The following CDC27 variants were observed in gnomAD, a reference collection of about 807,000 sequenced individuals.
The protein encoded by CDC27 is cell division cycle protein 27 homolog.
In CDC27, 27 loss-of-function variants were observed where a neutral mutation model predicts 109.7. That is an observed-to-expected ratio of 0.25 (90% confidence interval 0.18 to 0.34). CDC27 has a LOEUF of 0.34. CDC27 is among the 10% of genes least tolerant of loss of function. The pLI is 1.00. For synonymous variants in CDC27, 266 were observed against 333.9 expected (o/e 0.80, Z 2.22); for missense variants, 579 against 960.2 (o/e 0.60, Z 5.25).
At chr17:47,149,289 G>T (rs1881631901) in intron 9 of CDC27, among the ~76,000 whole-genome samples, 2 of 151,704 alleles carry the variant, frequency 1.3e-5, no homozygotes, top group Non-Finnish European at 2.9e-5. Flanking sequence ...AAGGCAGGAG[G>T]ATCACAAGGT....
chr17:47,188,102 T>A (rs768906900), intron 1 of CDC27, among the ~76,000 whole-genome samples: 2 of 152,210 alleles, frequency 1.3e-5, no homozygotes, highest in Non-Finnish European at 1.5e-5. Context: ...TATTTACTGT[T>A]TGATACCTCA....
intron 13 of CDC27, among the ~76,000 whole-genome samples, chr17:47,137,735 T>G (rs2062661596): frequency 6.6e-6 from 1 of 152,058 alleles, no homozygotes; most frequent in African/African-American, 2.4e-5. Flanking sequence ...TGGACAGAAT[T>G]TGAATCCCAC....
At chr17:47,150,478 T>C (rs2063120269) in intron 9 of CDC27, among the ~76,000 whole-genome samples, 1 of 152,170 alleles carries the variant, frequency 6.6e-6, no homozygotes, top group African/African-American at 2.4e-5. Flanking sequence ...TACTGAGTTA[T>C]ACTGTCACAT....
chr17:47,139,307 C>CTGCACT (rs1212138699), intron 12 of CDC27, among the ~76,000 whole-genome samples: 1 of 149,634 alleles, frequency 6.7e-6, no homozygotes, highest in Non-Finnish European at 1.5e-5. Context: ...CACTCTGTCG[C>CTGCACT]CCAGGCTGGA....
chr17:47,147,603 T>A (rs958093632), intron 9 of CDC27, among the ~76,000 whole-genome samples: 2 of 152,040 alleles, frequency 1.3e-5, no homozygotes, highest in African/African-American at 4.8e-5. Flanking sequence ...CTGGATGAGG[T>A]GGCTCATGCC....
chr17:47,123,384 CTTCTACTTTTTT>C (rs1317090181), intron 17 of CDC27, among the ~76,000 whole-genome samples: 3 of 147,106 alleles, frequency 2.0e-5, no homozygotes, highest in African/African-American at 7.5e-5. Context: ...CATTCATGTT[CTTCTACTTTTTT>C]TTCTACTTTT....
At chr17:47,145,095 G>C (rs964238193) in intron 9 of CDC27, among the ~76,000 whole-genome samples, 9 of 152,150 alleles carry the variant, frequency 5.9e-5, no homozygotes, top group Admixed American at 5.9e-4. Context: ...TCATGACAGA[G>C]TAAAATGGAA....
intron 1 of CDC27, among the ~76,000 whole-genome samples, chr17:47,185,298 C>G (rs888414432): frequency 1.3e-5 from 2 of 152,048 alleles, no homozygotes; most frequent in East Asian, 3.9e-4. Flanking sequence ...CCTGCCTCAG[C>G]CTCCTGAGTA....
intron 9 of CDC27, among the ~76,000 whole-genome samples, chr17:47,145,404 G>A (rs2062925089): frequency 6.6e-6 from 1 of 152,162 alleles, no homozygotes; most frequent in Non-Finnish European, 1.5e-5. Context: ...GTTGAAAATT[G>A]ATCAGTGTAG....
At chr17:47,145,460 A>T (rs2148878126) in intron 9 of CDC27, among the ~76,000 whole-genome samples, 2 of 152,286 alleles carry the variant, frequency 1.3e-5, no homozygotes, top group Admixed American at 1.3e-4. Context: ...TCCACGTCCC[A>T]GGCTCCTGAG....
At chr17:47,128,026 A>G (rs117489563) in intron 16 of CDC27, among the ~76,000 whole-genome samples, 367 of 151,064 alleles carry the variant, frequency 2.4e-3, no homozygotes, top group Non-Finnish European at 4.3e-3. Flanking sequence ...CTGGTTTGGT[A>G]TATTTCTTTC....
chr17:47,179,480 C>T (rs1021234285), intron 2 of CDC27, among the ~76,000 whole-genome samples: 1 of 152,092 alleles, frequency 6.6e-6, no homozygotes, highest in South Asian at 2.1e-4. Flanking sequence ...TACTAGTTAC[C>T]GCCTGTGGAC....
At chr17:47,129,598 C>A (rs1171405275) in intron 15 of CDC27, 77 bp from the exon 16 acceptor site, 2 of 948,590 alleles carry the variant, frequency 2.1e-6, no homozygotes, top group South Asian at 1.8e-5. Flanking sequence ...TGACTCAAAA[C>A]CAACATAATC....
intron 2 of CDC27, among the ~76,000 whole-genome samples, chr17:47,172,925 T>A (rs1426227873): frequency 1.3e-5 from 2 of 152,234 alleles, no homozygotes; most frequent in Non-Finnish European, 2.9e-5. Context: ...TCTAAGCCAG[T>A]GGTTCTCAAA....
At position 47,166,211 on chromosome 17, in the gene CDC27, A is replaced by G. The variant is rs142137881; in HGVS notation, c.377+3706T>C. Among the ~76,000 whole-genome samples the G allele has an allele frequency of 3.3e-5, 5 of 152,274 alleles. No individual in the cohort carries two copies. The East Asian group carries it at 9.6e-4, about 29-fold the overall frequency. Reference sequence around the variant, plus strand: ...AATGTGGCCTCATGAGTAGAGGAGTATTTCTTCTTGTTCTGTTTTCTGGAA... The same window carrying G: ...AATGTGGCCTCATGAGTAGAGGAGTGTTTCTTCTTGTTCTGTTTTCTGGAA... On this transcript the variant is annotated intron_variant, in intron 4 of 18. Transcript: ENST00000066544.
chr17:47,130,034 T>C (rs1040908195), intron 15 of CDC27, among the ~76,000 whole-genome samples: 6 of 152,206 alleles, frequency 3.9e-5, no homozygotes, highest in Non-Finnish European at 5.9e-5. Flanking sequence ...CTCAGAACAA[T>C]TATATTTTCA....
At chr17:47,128,961 T>C (rs530813509) in intron 16 of CDC27, among the ~76,000 whole-genome samples, 7 of 152,134 alleles carry the variant, frequency 4.6e-5, no homozygotes, top group African/African-American at 9.6e-5. Flanking sequence ...TTAGTAGAGA[T>C]GGGGTTTCAC....
Position 47,138,746 on chromosome 17 carries a change from G to A in CDC27, c.1697C>T (p.Ser566Leu), listed in dbSNP as rs1238314971. 25 of 1,609,888 alleles carry A rather than the reference G, an allele frequency of 1.6e-5. No homozygotes were observed. Among genetic ancestry groups the A allele is most frequent in the Non-Finnish European group, 2.0e-5 (23 of 1,178,934 alleles). ...SKDLTDMDKN[S>L]PEAWCAAGNC... ...GTATTTTGGTTAACATACCTCTGGC[G>A]AATTTTTATCCATGTCTGTTAAGTC... Residue 566 changes from serine (S) to leucine (L), a missense_variant, in exon 13 of 19, where the codon TCG (serine) becomes TTG (leucine). Coordinates refer to ENST00000066544, the MANE Select transcript of CDC27 (RefSeq NM_001256.6).
intron 1 of CDC27, 142 bp downstream of exon 1, chr17:47,189,004 A>G (rs1031061968): frequency 1.3e-6 from 2 of 1,501,768 alleles, no homozygotes; most frequent in Middle Eastern, 2.3e-4. Flanking sequence ...CTCCGAACTG[A>G]CTAAAGATAG....
Sources: allele counts gnomAD v4.1 joint callset (sites outside exome capture counted in the v4.1 genomes callset), GRCh38; gene constraint gnomAD v4.1.1; transcripts MANE v1.5; gene names NCBI Gene and HGNC (gene_info 2026-07-23, HGNC 2026-07-21).